Variants in AK1 observed in about 807,000 individuals in gnomAD.
AK1 encodes adenylate kinase isoenzyme 1.
In AK1, 13 loss-of-function variants were observed where a neutral mutation model predicts 23.9. That is an observed-to-expected ratio of 0.54 (90% CI 0.35 to 0.86). AK1 has a LOEUF of 0.86. Among genes scored for constraint, AK1 ranks in the 40% least tolerant of loss-of-function variants. The pLI, the probability that AK1 is intolerant of heterozygous loss-of-function variation, is 0.01. For synonymous variants in AK1, 97 were observed against 102.8 expected (o/e 0.94, Z 0.34); for missense variants, 214 against 255.1 (o/e 0.84, Z 1.10).
Position 127,871,956 on chromosome 9 carries a change from G to GA in AK1, c.208-18dup. ...CACTGTCTCCTGGGGCACAGCAAAGGAGGAAGGGGCCATGAGCCTCTCCTC... is the reference window on the plus strand; with the variant it reads ...CACTGTCTCCTGGGGCACAGCAAAGGAAGGAAGGGGCCATGAGCCTCTCCTC... On this transcript the variant is annotated splice_polypyrimidine_tract_variant and intron_variant, in intron 4 of 6. Transcript: ENST00000644144. The surrounding 1 kb of genome is among the most constrained non-coding windows in gnomAD (Gnocchi z 4.4). The GA allele has an allele frequency of 6.2e-7, 1 of 1,605,768 alleles. No individual in the cohort carries two copies.
intron 2 of AK1, 54 bp downstream of exon 2, chr9:127,874,557 A>C: frequency 6.2e-7 from 1 of 1,612,362 alleles, no homozygotes; most frequent in South Asian, 1.1e-5. Flanking sequence ...CACCCCCTTA[A>C]TAGTCAGGCA....
chr9:127,875,444 A>C (rs1588619770), intron 1 of AK1, among the ~76,000 whole-genome samples: 1 of 122,314 alleles, frequency 8.2e-6, no homozygotes, highest in Non-Finnish European at 1.7e-5. Context: ...TTTGGCCTCC[A>C]CTTCTTCACT....
In AK1 at chr9:127,870,638, A is replaced by C. The variant is rs115153145; in HGVS notation, c.324+1185T>G. On this transcript the variant is annotated intron_variant, in intron 5 of 6. Coordinates refer to ENST00000644144, the MANE Select transcript of AK1 (RefSeq NM_000476.3). ...GGGTCAGGGGTCTGAGGTCTGAAGG[A>C]ATCCAGCTAACCCCCATTTCAGATA... Among the ~76,000 whole-genome samples, 994 of 152,298 alleles carry C rather than the reference A, an allele frequency of 6.5e-3. 11 individuals carry two copies. The highest frequency in any genetic ancestry group is 0.022 in the African/African-American group (931 of 41,554).
chr9:127,874,265 T>A, intron 2 of AK1: 2 of 985,336 alleles, frequency 2.0e-6, no homozygotes, highest in Non-Finnish European at 2.4e-6. Context: ...GGAAACTGAG[T>A]CCCGGAGAGG....
chr9:127,871,960 A>G lies in AK1; in HGVS notation c.208-21T>C, dbSNP rs979146671. ...GTCTCCTGGGGCACAGCAAAGGAGG[A>G]AGGGGCCATGAGCCTCTCCTCCCCA... is the stretch of plus-strand genomic sequence containing the variant. On this transcript the variant is annotated intron_variant, in intron 4 of 6. Transcript: ENST00000644144. The surrounding 1 kb of genome is among the most constrained non-coding windows in gnomAD (Gnocchi z 4.4). 1 of 1,597,612 alleles carries G rather than the reference A, an allele frequency of 6.3e-7. No homozygotes were observed. Among genetic ancestry groups the G allele is most frequent in the Non-Finnish European group, 8.6e-7 (1 of 1,165,438 alleles).
Position 127,871,735 on chromosome 9 carries a change from C to T in AK1, c.324+88G>A, listed in dbSNP as rs968392001. On this transcript the variant is annotated intron_variant, in intron 5 of 6. Transcript: ENST00000644144. The surrounding 1 kb of genome is among the most constrained non-coding windows in gnomAD (Gnocchi z 4.4). ...AGCCTCTGCTCAGAACTCTGACCTG[C>T]ATCACAGCCCCCGCAGGCCCGCCCA... The T allele has an allele frequency of 6.6e-6, 7 of 1,054,170 alleles. No homozygotes were observed. Among genetic ancestry groups the T allele is most frequent in the Non-Finnish European group, 8.8e-6 (6 of 682,486 alleles). 65.3% of individuals were successfully genotyped at this position (1,054,170 alleles called of 1,614,324 possible). A position where few individuals can be genotyped will look rare whatever the true frequency, so the allele number is the denominator to read the frequency against.
intron 1 of AK1, among the ~76,000 whole-genome samples, chr9:127,876,500 C>T (rs1829540865): frequency 2.6e-5 from 4 of 152,222 alleles, no homozygotes; most frequent in Admixed American, 2.6e-4. Flanking sequence ...GCTGATGCCC[C>T]TGCTGCCCCA....
intron 1 of AK1, chr9:127,875,132 G>A: frequency 4.5e-6 from 1 of 221,458 alleles, no homozygotes; most frequent in Non-Finnish European, 9.2e-6. Context: ...AGGTTTGGAT[G>A]GGGATCCTCT....
At chr9:127,875,996 T>G (rs1829530261) in intron 1 of AK1, among the ~76,000 whole-genome samples, 1 of 152,226 alleles carries the variant, frequency 6.6e-6, no homozygotes, top group Admixed American at 6.5e-5. Flanking sequence ...CAACCTTGCA[T>G]GTGTGGCCCT....
chr9:127,877,125 C>T lies in AK1; in HGVS notation c.-33+498G>A, dbSNP rs770144270. On this transcript the variant is annotated intron_variant, in intron 1 of 6. Transcript: ENST00000644144. The surrounding 1 kb of genome is among the most constrained non-coding windows in gnomAD (Gnocchi z 5.2). ...AGCAGTGCTGTGGGAAGGCCCCAAG[C>T]GCTGGCCCTGGTCAGGAGGCTAGGG... Among the ~76,000 whole-genome samples, 5 of 152,146 alleles carry T rather than the reference C, an allele frequency of 3.3e-5. No homozygotes were observed. Among genetic ancestry groups the T allele is most frequent in the Non-Finnish European group, 5.9e-5 (4 of 68,028 alleles).
intron 1 of AK1, among the ~76,000 whole-genome samples, chr9:127,876,119 A>G (rs926914789): frequency 1.3e-5 from 2 of 151,964 alleles, no homozygotes; most frequent in Non-Finnish European, 2.9e-5. Flanking sequence ...GTTGTACCCA[A>G]TGCCTGGATG....
chr9:127,875,931 C>G (rs979884420), intron 1 of AK1, among the ~76,000 whole-genome samples: 1 of 152,228 alleles, frequency 6.6e-6, no homozygotes, highest in Non-Finnish European at 1.5e-5. Context: ...CACCCTGCCA[C>G]GCAATTTGCA....
chr9:127,868,252 A>G lies in AK1; in HGVS notation c.516+69T>C. ...GAGAGGGGCTGGCCTGAGGCCACAC[A>G]GTGAGCTGAGGCGGAGCCACATAGG... On this transcript the variant is annotated intron_variant, in intron 6 of 6. Transcript: ENST00000644144. This position sits in a 1 kb window ranked among gnomAD's most constrained non-coding sequence, Gnocchi z 4.1. 6.6e-7 allele frequency: 1 copy of G among 1,506,138 alleles called. No individual in the cohort carries two copies. The highest frequency in any genetic ancestry group is 1.2e-5 in the South Asian group (1 of 83,636). 93.3% of individuals were successfully genotyped at this position (1,506,138 alleles called of 1,614,324 possible). A position where few individuals can be genotyped will look rare whatever the true frequency, so the allele number is the denominator to read the frequency against.
intron 5 of AK1, among the ~76,000 whole-genome samples, chr9:127,870,619 G>A (rs1439135194): frequency 6.6e-6 from 1 of 152,226 alleles, no homozygotes. Context: ...CACAGGGTCA[G>A]GGGTCTGAGG....
At chr9:127,875,979 C>T (rs1414698468) in intron 1 of AK1, among the ~76,000 whole-genome samples, 1 of 152,238 alleles carries the variant, frequency 6.6e-6, no homozygotes, top group East Asian at 1.9e-4. Flanking sequence ...CATCACACAC[C>T]CGCTTACAAC....
intron 3 of AK1, 82 bp downstream of exon 3, chr9:127,872,944 G>A: frequency 1.2e-6 from 2 of 1,613,204 alleles, no homozygotes; most frequent in Admixed American, 1.7e-5. Context: ...GAGGGGCAGA[G>A]CCCAGGGTGC....
intron 5 of AK1, among the ~76,000 whole-genome samples, chr9:127,870,280 C>T (rs1564471854): frequency 6.7e-6 from 1 of 148,452 alleles, no homozygotes; most frequent in Admixed American, 6.9e-5. Flanking sequence ...TGGCTCACTG[C>T]AACCTCCGTC....
rs1468958363 is a variant in AK1 at position 127,868,104 on chromosome 9, A to G, written c.517-28T>C. The stretch of plus-strand genomic sequence containing the variant: ...GTGGGGAGATGGGCCGTGAGGGCTG[A>G]GTCACCAGGTGGAGTGGGGTGGGCC... On this transcript the variant is annotated intron_variant, in intron 6 of 6. Coordinates refer to ENST00000644144, the MANE Select transcript of AK1 (RefSeq NM_000476.3). This position sits in a 1 kb window ranked among gnomAD's most constrained non-coding sequence, Gnocchi z 4.1. 6.2e-7 allele frequency: 1 copy of G among 1,612,634 alleles called. No individual in the cohort carries two copies. The highest frequency in any genetic ancestry group is 1.7e-5 in the Admixed American group (1 of 60,010).
At position 127,871,276 on chromosome 9, in the gene AK1, G is replaced by A. The variant is rs942192629; in HGVS notation, c.324+547C>T. ...TGCTCTTTCCAGCCAGGCTCCTCAT[G>A]ACCCCTGGAAGGAGACTGATGTCCC... is the stretch of plus-strand genomic sequence containing the variant. On this transcript the variant is annotated intron_variant, in intron 5 of 6. Transcript: ENST00000644144. The surrounding 1 kb of genome is among the most constrained non-coding windows in gnomAD (Gnocchi z 4.4). Among the ~76,000 whole-genome samples the A allele has an allele frequency of 2.0e-5, 3 of 151,556 alleles. No homozygotes were observed. Among genetic ancestry groups the A allele is most frequent in the African/African-American group, 7.3e-5 (3 of 40,852 alleles).
Sources: gnomAD v4.1 joint callset for allele counts (sites outside exome capture counted in the v4.1 genomes callset) on GRCh38, gnomAD v4.1.1 for gene constraint, Gnocchi (gnomAD v3.1) non-coding constraint, MANE v1.5 for transcripts, NCBI Gene and HGNC (gene_info 2026-07-23, HGNC 2026-07-21) for gene names.